The following XKR4 variants were observed in gnomAD, a reference collection of about 807,000 sequenced individuals.
The protein encoded by XKR4 is XK-related protein 4.
In XKR4, 12 loss-of-function variants were observed where a neutral mutation model predicts 53.9. The ratio of observed to expected loss-of-function variants is 0.22; its 90% CI spans 0.14 to 0.36. The LOEUF (loss-of-function observed/expected upper bound fraction) is 0.36, where lower values mean the gene tolerates loss of function less well. Among genes scored for constraint, XKR4 ranks in the 10% least tolerant of loss-of-function variants. The probability of loss-of-function intolerance (pLI) is 1.00; values close to 1 mark genes in which losing one functional copy is unlikely to be tolerated. For missense variants in XKR4, 799 were observed against 859.5 expected (o/e 0.93, Z 0.88); for synonymous variants, 354 against 362.4 (o/e 0.98, Z 0.26).
At chr8:55,150,973 G>A (rs949559731) in intron 1 of XKR4, among the ~76,000 whole-genome samples, 1 of 152,160 alleles carries the variant, frequency 6.6e-6, no homozygotes, top group African/African-American at 2.4e-5. Flanking sequence ...AGAAACAGAT[G>A]CTTTAGCCAA....
chr8:55,452,466 C>T (rs992891573), intron 2 of XKR4: 8 of 631,524 alleles, frequency 1.3e-5, no homozygotes, highest in Admixed American at 2.3e-5. Context: ...CTCCTCACGC[C>T]CATCCGGTGG....
intron 1 of XKR4, among the ~76,000 whole-genome samples, chr8:55,153,972 A>G (rs537539728): frequency 6.6e-6 from 1 of 152,364 alleles, no homozygotes; most frequent in South Asian, 2.1e-4. Flanking sequence ...GGAAAAGTAA[A>G]CACATTGATA....
At chr8:55,499,960 G>A (rs1391339001) in intron 2 of XKR4, among the ~76,000 whole-genome samples, 2 of 152,046 alleles carry the variant, frequency 1.3e-5, no homozygotes, top group African/African-American at 4.8e-5. Flanking sequence ...AAAGTAAGAG[G>A]AAAGAAAATA....
chr8:55,453,929 T>A (rs887870502), intron 2 of XKR4: 1 of 651,622 alleles, frequency 1.5e-6, no homozygotes. Flanking sequence ...CTCCAGCACA[T>A]TCATCAGGAA....
intron 1 of XKR4, among the ~76,000 whole-genome samples, chr8:55,184,057 G>T (rs376401964): frequency 6.6e-6 from 1 of 152,200 alleles, no homozygotes; most frequent in South Asian, 2.1e-4. Flanking sequence ...GTGTGAACAC[G>T]TTTATTCTGC....
intron 1 of XKR4, among the ~76,000 whole-genome samples, chr8:55,176,356 G>C (rs1022029284): frequency 6.6e-6 from 1 of 152,170 alleles, no homozygotes; most frequent in African/African-American, 2.4e-5. Flanking sequence ...CCCTGTGCAC[G>C]GTCCCCAGCC....
At chr8:55,314,477 C>G (rs983495100) in intron 1 of XKR4, among the ~76,000 whole-genome samples, 1 of 152,152 alleles carries the variant, frequency 6.6e-6, no homozygotes, top group Non-Finnish European at 1.5e-5. Flanking sequence ...TCCCGACATT[C>G]AGCTCCCGGG....
At chr8:55,229,127 T>G (rs770839191) in intron 1 of XKR4, among the ~76,000 whole-genome samples, 1 of 152,250 alleles carries the variant, frequency 6.6e-6, no homozygotes, top group Non-Finnish European at 1.5e-5. Flanking sequence ...GCCTACCTGC[T>G]CTAGCAGGCT....
At chr8:55,414,708 G>A (rs970156961) in intron 2 of XKR4, among the ~76,000 whole-genome samples, 4 of 151,978 alleles carry the variant, frequency 2.6e-5, no homozygotes, top group South Asian at 2.1e-4. Context: ...CCACATATAC[G>A]TTATTTTTCC....
At chr8:55,321,702 T>C (rs946330207) in intron 1 of XKR4, among the ~76,000 whole-genome samples, 4 of 152,174 alleles carry the variant, frequency 2.6e-5, no homozygotes, top group Middle Eastern at 3.2e-3. Flanking sequence ...ATTAAAAACA[T>C]ATCTTGGGCC....
intron 2 of XKR4, among the ~76,000 whole-genome samples, chr8:55,360,291 G>T (rs1006184929): frequency 3.3e-5 from 5 of 152,186 alleles, no homozygotes; most frequent in Admixed American, 2.6e-4. Context: ...GATTCCTTTT[G>T]CATTTTGAAG....
intron 1 of XKR4, among the ~76,000 whole-genome samples, chr8:55,158,214 G>A (rs1367718603): frequency 1.3e-5 from 2 of 152,104 alleles, no homozygotes; most frequent in Non-Finnish European, 2.9e-5. Context: ...AGTGTGAGAT[G>A]GTATCCCATG....
Position 55,103,039 on chromosome 8 carries a change from G to A in XKR4, c.551G>A (p.Ser184Asn), listed in dbSNP as rs1172510750. The A allele has an allele frequency of 6.2e-6, 10 of 1,612,636 alleles. No homozygotes were observed. In the East Asian group the frequency reaches 2.0e-4, roughly 32 times the overall value. Residue 184 changes from serine to asparagine, a missense_variant, in exon 1 of 3, where the codon AGC becomes AAC. Physicochemically the swap from Ser to Asn is conservative, Grantham distance 46. Transcript: ENST00000327381. ...AGCGCCACGGCCGCTGCTGCCTCCA[G>A]CTGCCCGCAGCCTGGAGCCGATTGC... The part of the protein sequence containing the change: ...EDSATAAAAS[S>N]CPQPGADCKT...
intron 1 of XKR4, among the ~76,000 whole-genome samples, chr8:55,152,711 A>AG (rs771354057): frequency 6.6e-5 from 10 of 152,232 alleles, no homozygotes; most frequent in Non-Finnish European, 1.3e-4. Context: ...TAAAAAGTAG[A>AG]GGGAAAAAAA....
At chr8:55,212,900 GAATT>G (rs1466381204) in intron 1 of XKR4, among the ~76,000 whole-genome samples, 4 of 152,080 alleles carry the variant, frequency 2.6e-5, no homozygotes, top group Non-Finnish European at 5.9e-5. Flanking sequence ...TAAAATATTA[GAATT>G]ATTTATTAAA....
chr8:55,342,539 C>G (rs1803568740), intron 1 of XKR4, among the ~76,000 whole-genome samples: 2 of 152,124 alleles, frequency 1.3e-5, no homozygotes, highest in Non-Finnish European at 2.9e-5. Context: ...GTCCCACTGC[C>G]TCTCTGCTCT....
At chr8:55,180,292 T>C (rs1168353869) in intron 1 of XKR4, among the ~76,000 whole-genome samples, 1 of 152,234 alleles carries the variant, frequency 6.6e-6, no homozygotes. Context: ...TTTACATGAA[T>C]GAGCATAAAT....
At chr8:55,228,917 A>T (rs1162396523) in intron 1 of XKR4, among the ~76,000 whole-genome samples, 1 of 151,894 alleles carries the variant, frequency 6.6e-6, no homozygotes, top group East Asian at 1.9e-4. Context: ...TGGATTAGGG[A>T]ATTTATTAAA....
intron 1 of XKR4, among the ~76,000 whole-genome samples, chr8:55,322,359 A>T (rs1803228757): frequency 6.6e-6 from 1 of 152,164 alleles, no homozygotes. Flanking sequence ...TGTCATCATT[A>T]TGATTTATTT....
Sources: allele counts gnomAD v4.1 joint callset (sites outside exome capture counted in the v4.1 genomes callset), GRCh38; gene constraint gnomAD v4.1.1; transcripts MANE v1.5; gene names NCBI Gene and HGNC (gene_info 2026-07-23, HGNC 2026-07-21).